Variants in ATRNL1 observed in about 807,000 individuals in gnomAD.
ATRNL1 encodes attractin like 1.
In ATRNL1, 95 loss-of-function variants were observed where a neutral mutation model predicts 182.7. The observed-to-expected ratio is 0.52, with a 90% CI of 0.44 to 0.62. The LOEUF is 0.62. Ranked by LOEUF, ATRNL1 falls within the 20% of genes least tolerant of loss-of-function variation. ATRNL1 has a pLI of 0.00. For synonymous variants in ATRNL1, 576 were observed against 568.3 expected (o/e 1.01, Z -0.19); for missense variants, 1,471 against 1,679.5 (o/e 0.88, Z 2.17).
intron 13 of ATRNL1, among the ~76,000 whole-genome samples, chr10:115,280,253 G>A (rs1332453541): frequency 6.6e-6 from 1 of 152,158 alleles, no homozygotes; most frequent in African/African-American, 2.4e-5. Context: ...GTTAGAAGGT[G>A]AAGCAGAGAA....
At chr10:115,355,876 A>T (rs1286830071) in intron 19 of ATRNL1, among the ~76,000 whole-genome samples, 7 of 151,550 alleles carry the variant, frequency 4.6e-5, no homozygotes, top group African/African-American at 1.7e-4. Context: ...GATTTTCTTA[A>T]TTTCTCTCTA....
intron 28 of ATRNL1, among the ~76,000 whole-genome samples, chr10:115,849,771 G>A (rs1009971313): frequency 5.3e-5 from 8 of 152,118 alleles, no homozygotes; most frequent in African/African-American, 1.9e-4. Context: ...GGGGAGAGGG[G>A]ATACTAGAGT....
intron 26 of ATRNL1, among the ~76,000 whole-genome samples, chr10:115,641,848 A>G (rs1380781190): frequency 1.3e-5 from 2 of 151,830 alleles, no homozygotes; most frequent in Non-Finnish European, 2.9e-5. Flanking sequence ...TATTTTATAT[A>G]AAATATTTTA....
At chr10:115,189,916 A>G (rs1052227831) in intron 8 of ATRNL1, among the ~76,000 whole-genome samples, 2 of 143,666 alleles carry the variant, frequency 1.4e-5, no homozygotes, top group Non-Finnish European at 3.2e-5. Flanking sequence ...CTATACAGGT[A>G]TACCATTTTT....
chr10:115,687,996 G>A (rs535357214), intron 26 of ATRNL1, among the ~76,000 whole-genome samples: 1 of 151,874 alleles, frequency 6.6e-6, no homozygotes, highest in Non-Finnish European at 1.5e-5. Context: ...CCAGAGTCTG[G>A]TATCTATGGT....
Position 115,598,658 on chromosome 10 carries a change from TTC to T in ATRNL1, c.3795+49123_3795+49124del, listed in dbSNP as rs1856419095. On this transcript the variant is annotated intron_variant, in intron 26 of 28. Transcript: ENST00000355044. ...TATTTTTAAAATAATGAAAAACCCA[TTC>T]CTATTATAATAAATAACATATTCTT... is the stretch of plus-strand genomic sequence containing the variant. 2.6e-5 allele frequency among the ~76,000 whole-genome samples: 4 copies of T among 152,154 alleles called. No homozygotes were observed. The East Asian group carries it at 7.7e-4, about 29-fold the overall frequency.
At chr10:115,126,589 G>A (rs905667450) in intron 3 of ATRNL1, among the ~76,000 whole-genome samples, 1 of 152,076 alleles carries the variant, frequency 6.6e-6, no homozygotes, top group Non-Finnish European at 1.5e-5. Context: ...TTACTAAAGC[G>A]TTAAATCAAG....
At chr10:115,347,751 T>G (rs1406710329) in intron 19 of ATRNL1, among the ~76,000 whole-genome samples, 1 of 152,018 alleles carries the variant, frequency 6.6e-6, no homozygotes, top group Non-Finnish European at 1.5e-5. Flanking sequence ...TTATTAAAAT[T>G]TTATTTATAA....
chr10:115,761,247 CACATATTAAAGA>C (rs1224125543), intron 27 of ATRNL1, among the ~76,000 whole-genome samples: 2 of 152,136 alleles, frequency 1.3e-5, no homozygotes, highest in Non-Finnish European at 2.9e-5. Context: ...ACTGTTAAAA[CACATATTAAAGA>C]AGCCAATAAT....
chr10:115,809,435 C>G (rs1249400106), intron 27 of ATRNL1, among the ~76,000 whole-genome samples: 1 of 151,970 alleles, frequency 6.6e-6, no homozygotes, highest in Non-Finnish European at 1.5e-5. Flanking sequence ...AGTCTTGTGT[C>G]TCTTCTAAGC....
intron 10 of ATRNL1, among the ~76,000 whole-genome samples, chr10:115,255,137 T>C (rs1851060563): frequency 6.6e-6 from 1 of 152,208 alleles, no homozygotes; most frequent in South Asian, 2.1e-4. Flanking sequence ...TGGTTCCATA[T>C]GAACTTTAAA....
chr10:115,495,913 A>G lies in ATRNL1; in HGVS notation c.3655-23350A>G, dbSNP rs782800146. Among the ~76,000 whole-genome samples the G allele has an allele frequency of 8.6e-4, 131 of 152,138 alleles. 2 individuals carry two copies. Among genetic ancestry groups the G allele is most frequent in the Non-Finnish European group, 3.5e-4 (24 of 68,030 alleles). ...CCTTGATGATCTGTCTAATATTGCC[A>G]TTGGGATGTTGACATCACCCACTAT... On this transcript the variant is annotated intron_variant, in intron 24 of 28. Coordinates refer to ENST00000355044, the MANE Select transcript of ATRNL1 (RefSeq NM_207303.4).
intron 26 of ATRNL1, among the ~76,000 whole-genome samples, chr10:115,639,700 A>G (rs993168754): frequency 2.2e-4 from 33 of 152,214 alleles, no homozygotes; most frequent in African/African-American, 7.7e-4. Flanking sequence ...GATACATTCA[A>G]CACTATAAAT....
intron 26 of ATRNL1, among the ~76,000 whole-genome samples, chr10:115,596,306 A>G (rs1383888905): frequency 6.6e-6 from 1 of 152,084 alleles, no homozygotes; most frequent in Non-Finnish European, 1.5e-5. Flanking sequence ...GGGTTTCACC[A>G]TGTTGTCAAG....
chr10:115,675,420 GAGAA>G (rs1470636682), intron 26 of ATRNL1, among the ~76,000 whole-genome samples: 1 of 152,052 alleles, frequency 6.6e-6, no homozygotes, highest in African/African-American at 2.4e-5. Context: ...GGAAGAGAAA[GAGAA>G]AGAAGAAAAG....
chr10:115,852,977 A>T (rs1238839911), intron 28 of ATRNL1, among the ~76,000 whole-genome samples: 3 of 152,142 alleles, frequency 2.0e-5, no homozygotes, highest in African/African-American at 7.2e-5. Flanking sequence ...AAGCCCTAAG[A>T]TCTAGACCTA....
chr10:115,196,312 T>C (rs187575681), intron 8 of ATRNL1, among the ~76,000 whole-genome samples: 1 of 152,318 alleles, frequency 6.6e-6, no homozygotes, highest in African/African-American at 2.4e-5. Context: ...ATGTATATTA[T>C]GGTTATTCTA....
At chr10:115,193,133 C>G (rs1330456480) in intron 8 of ATRNL1, among the ~76,000 whole-genome samples, 1 of 151,894 alleles carries the variant, frequency 6.6e-6, no homozygotes, top group Non-Finnish European at 1.5e-5. Flanking sequence ...AGGATCCTGT[C>G]TTTTTCTAGA....
At chr10:115,684,610 T>C (rs2133958182) in intron 26 of ATRNL1, among the ~76,000 whole-genome samples, 1 of 151,694 alleles carries the variant, frequency 6.6e-6, no homozygotes, top group East Asian at 1.9e-4. Context: ...AATATGAGCT[T>C]TTGAGTAAAA....
Sources: allele counts gnomAD v4.1 joint callset (sites outside exome capture counted in the v4.1 genomes callset), GRCh38; gene constraint gnomAD v4.1.1; transcripts MANE v1.5; gene names NCBI Gene and HGNC (gene_info 2026-07-23, HGNC 2026-07-21).